Variants in NUCB2 observed in about 807,000 individuals in gnomAD.
NUCB2 encodes nucleobindin-2.
In NUCB2, 48 loss-of-function variants were observed where a neutral mutation model predicts 57.9. The ratio of observed to expected loss-of-function variants is 0.83; its 90% confidence interval spans 0.66 to 1.05. The LOEUF is 1.05. Among genes scored for constraint, NUCB2 ranks in the 50% least tolerant of loss-of-function variants. The pLI is 0.00. For synonymous variants in NUCB2, 139 were observed against 152.1 expected (o/e 0.91, Z 0.64); for missense variants, 442 against 476.2 (o/e 0.93, Z 0.67).
chr11:17,290,376 A>G (rs1944718833), intron 2 of NUCB2, among the ~76,000 whole-genome samples: 1 of 152,224 alleles, frequency 6.6e-6, no homozygotes, highest in Non-Finnish European at 1.5e-5. Flanking sequence ...AACAAAGACT[A>G]TGTTGCTGTT....
At chr11:17,342,904 A>AT (rs1952397709) in intron 2 of NUCB2, among the ~76,000 whole-genome samples, 1 of 152,162 alleles carries the variant, frequency 6.6e-6, no homozygotes, top group Non-Finnish European at 1.5e-5. Flanking sequence ...TCTAATGTTG[A>AT]CAGTGGGGTG....
intron 10 of NUCB2, among the ~76,000 whole-genome samples, chr11:17,313,103 A>G (rs1265411775): frequency 6.6e-6 from 1 of 151,654 alleles, no homozygotes. Flanking sequence ...AGGTCTTGCT[A>G]TGTTGCCCAG....
chr11:17,303,595 A>C (rs1162019219), intron 5 of NUCB2, among the ~76,000 whole-genome samples: 1 of 152,212 alleles, frequency 6.6e-6, no homozygotes, highest in Non-Finnish European at 1.5e-5. Context: ...GATATCTTAA[A>C]GTTATCTTGC....
chr11:17,283,107 G>A (rs1395080240), intron 2 of NUCB2, among the ~76,000 whole-genome samples, 164 bp downstream of exon 2: 2 of 152,018 alleles, frequency 1.3e-5, no homozygotes, highest in African/African-American at 4.8e-5. Context: ...CTCTAGGATG[G>A]GTATAGTGGC....
intron 2 of NUCB2, 21 bp from the exon 3 acceptor site, chr11:17,295,303 A>G (rs1019793409): frequency 6.3e-6 from 10 of 1,594,524 alleles, no homozygotes; most frequent in African/African-American, 1.4e-5. Flanking sequence ...TGACTTTACC[A>G]TAATTACTCC....
At chr11:17,296,284 T>C in intron 4 of NUCB2, 73 bp downstream of exon 4, 1 of 825,348 alleles carries the variant, frequency 1.2e-6, no homozygotes, top group Non-Finnish European at 1.8e-6. Context: ...GGTCTCACCA[T>C]ATAACCCAGG....
chr11:17,300,650 A>G (rs557619074), intron 4 of NUCB2, among the ~76,000 whole-genome samples: 93 of 152,204 alleles, frequency 6.1e-4, no homozygotes, highest in African/African-American at 2.2e-3. Context: ...TTGGTATACT[A>G]TATTTTGTTT....
chr11:17,347,867 ACTGGTG>A (rs1952868347), intron 2 of NUCB2, among the ~76,000 whole-genome samples: 1 of 152,180 alleles, frequency 6.6e-6, no homozygotes, highest in African/African-American at 2.4e-5. Flanking sequence ...GTGGTCTGTG[ACTGGTG>A]CTGGTCTATG....
At chr11:17,278,170 C>CT (rs35441492) in intron 1 of NUCB2, among the ~76,000 whole-genome samples, 7,735 of 85,162 alleles carry the variant, frequency 0.091, 709 homozygotes, top group Non-Finnish European at 0.12. Flanking sequence ...TTTTACCCAT[C>CT]TTTTTTTTTT....
chr11:17,306,037 T>G (rs1947579408), intron 5 of NUCB2, among the ~76,000 whole-genome samples: 1 of 152,240 alleles, frequency 6.6e-6, no homozygotes, highest in African/African-American at 2.4e-5. Flanking sequence ...AATTAAAGAT[T>G]TAAATGTAGA....
chr11:17,310,807 T>G lies in NUCB2; in HGVS notation c.484-18T>G. 2 of 1,550,804 alleles carry G rather than the reference T, an allele frequency of 1.3e-6. No individual in the cohort carries two copies. The highest frequency in any genetic ancestry group is 2.4e-5 in the South Asian group (2 of 81,966). ...AGTGAATGTTTTTATTTAACTTAAATGCATTATTGCATTTCAGGCAACAAG... is the reference window on the plus strand; with the variant it reads ...AGTGAATGTTTTTATTTAACTTAAAGGCATTATTGCATTTCAGGCAACAAG... On this transcript the variant is annotated intron_variant, in intron 6 of 13. Transcript: ENST00000529010.
intron 5 of NUCB2, among the ~76,000 whole-genome samples, chr11:17,308,885 A>C (rs971608788): frequency 2.0e-5 from 3 of 152,208 alleles, no homozygotes; most frequent in African/African-American, 7.2e-5. Context: ...TTATTTTTAG[A>C]AATTCTACTT....
At chr11:17,285,936 C>T (rs964692051) in intron 2 of NUCB2, among the ~76,000 whole-genome samples, 30 of 99,700 alleles carry the variant, frequency 3.0e-4, no homozygotes, top group African/African-American at 2.0e-3. Context: ...CGTGTGCGTA[C>T]ACACACACAC....
At chr11:17,313,831 G>T (rs1948859637) in intron 10 of NUCB2, among the ~76,000 whole-genome samples, 1 of 151,834 alleles carries the variant, frequency 6.6e-6, no homozygotes, top group Non-Finnish European at 1.5e-5. Flanking sequence ...CATTGCCCTG[G>T]GCCCATCCCT....
chr11:17,302,985 G>A (rs189432587), intron 5 of NUCB2, among the ~76,000 whole-genome samples: 24 of 152,070 alleles, frequency 1.6e-4, no homozygotes, highest in South Asian at 8.3e-4. Flanking sequence ...TGATCCACCC[G>A]CCTCGGCCTC....
At chr11:17,341,127 G>T (rs1045204407) in intron 2 of NUCB2, among the ~76,000 whole-genome samples, 2 of 152,070 alleles carry the variant, frequency 1.3e-5, no homozygotes, top group African/African-American at 4.8e-5. Flanking sequence ...GTCTGTTATT[G>T]GTGTATAAGA....
At chr11:17,290,254 A>G (rs907643022) in intron 2 of NUCB2, among the ~76,000 whole-genome samples, 5 of 152,256 alleles carry the variant, frequency 3.3e-5, no homozygotes, top group African/African-American at 1.2e-4. Context: ...ATGCCAAATC[A>G]TAGCTTAATG....
At chr11:17,299,875 T>G (rs7933137) in intron 4 of NUCB2, among the ~76,000 whole-genome samples, 80,538 of 151,816 alleles carry the variant, frequency 0.53, 22,148 homozygotes, top group East Asian at 0.83. Flanking sequence ...CTGCACTCCA[T>G]CCTGGGTGAC....
At chr11:17,301,585 C>CATT (rs899166843) in intron 4 of NUCB2, among the ~76,000 whole-genome samples, 159 bp from the exon 5 acceptor site, 1 of 152,044 alleles carries the variant, frequency 6.6e-6, no homozygotes, top group African/African-American at 2.4e-5. Context: ...GGCCCTAAAG[C>CATT]TAATATCTTT....
Sources: gnomAD v4.1 joint callset for allele counts (sites outside exome capture counted in the v4.1 genomes callset) on GRCh38, gnomAD v4.1.1 for gene constraint, MANE v1.5 for transcripts, NCBI Gene and HGNC (gene_info 2026-07-23, HGNC 2026-07-21) for gene names.